Variants in ASMT observed in about 807,000 individuals in gnomAD.
The protein encoded by ASMT is acetylserotonin N-methyltransferase.
In ASMT, 53 loss-of-function variants were observed where a neutral mutation model predicts 41.3. The ratio of observed to expected loss-of-function variants is 1.28; its 90% CI spans 1.03 to 1.61. ASMT has a LOEUF of 1.61. Ranked by LOEUF, ASMT falls within the 40% of genes most tolerant of loss-of-function variation. The pLI, the probability that ASMT is intolerant of heterozygous loss-of-function variation, is 0.00. For synonymous variants in ASMT, 231 were observed against 184.8 expected (o/e 1.25, Z -2.03); for missense variants, 531 against 441.3 (o/e 1.20, Z -1.82).
At position 1,641,532 on chromosome X, in the gene ASMT, G is replaced by C. The variant is rs376619812; in HGVS notation, c.911-1271G>C. On this transcript the variant is annotated intron_variant, in intron 8 of 8. Coordinates refer to ENST00000381241, the MANE Select transcript of ASMT (RefSeq NM_001171038.2). ...GAGCACAGCCTCTGTGTGTGTGTTG[G>C]GGACAGTGTCCCAGTTCTCCTGTGA... is the stretch of plus-strand genomic sequence containing the variant. Among the ~76,000 whole-genome samples the C allele has an allele frequency of 2.7e-5, 4 of 148,188 alleles. 1 individual carries two copies. The Admixed American group carries it at 2.8e-4, about 10-fold the overall frequency.
At chrX:1,624,625 G>T (rs1934460847) in intron 3 of ASMT, among the ~76,000 whole-genome samples, 2 of 123,004 alleles carry the variant, frequency 1.6e-5, no homozygotes, top group Admixed American at 8.6e-5. Context: ...GGTGGTGGCT[G>T]CACCCAGGCA....
intron 4 of ASMT, chrX:1,628,038 G>A (rs1309366099): frequency 1.7e-5 from 9 of 544,828 alleles, no homozygotes; most frequent in Non-Finnish European, 2.6e-5. Flanking sequence ...ATGGAGGCAC[G>A]CGCCGGGCGC....
At chrX:1,641,791 C>T (rs1481985150) in intron 8 of ASMT, among the ~76,000 whole-genome samples, 1 of 148,298 alleles carries the variant, frequency 6.7e-6, no homozygotes, top group African/African-American at 2.5e-5. Flanking sequence ...GGACAGTGTT[C>T]CAGCTCTCCT....
chrX:1,632,881 G>T, intron 6 of ASMT, 94 bp downstream of exon 6: 1 of 554,254 alleles, frequency 1.8e-6, no homozygotes, highest in South Asian at 2.1e-5. Flanking sequence ...GGCTGGGGGA[G>T]GGAGAGCACT....
intron 4 of ASMT, 78 bp from the exon 5 acceptor site, chrX:1,629,743 C>T (rs1473820735): frequency 4.5e-6 from 6 of 1,325,922 alleles, no homozygotes; most frequent in East Asian, 4.6e-5. Context: ...CCGTTCTCAA[C>T]AGGGGGTTAT....
At chrX:1,634,653 A>ACC (rs33973060) in intron 7 of ASMT, among the ~76,000 whole-genome samples, 11,069 of 138,026 alleles carry the variant, frequency 0.08, 432 homozygotes, top group East Asian at 0.089. Flanking sequence ...TGCTGAGTTA[A>ACC]CCCCCCCCCT....
intron 5 of ASMT, 143 bp downstream of exon 5, chrX:1,630,082 C>G (rs1269139473): frequency 3.7e-6 from 3 of 808,682 alleles, no homozygotes; most frequent in East Asian, 2.4e-5. Flanking sequence ...TTCCTCCCAG[C>G]ACTGGGCACT....
intron 6 of ASMT, 112 bp from the exon 7 acceptor site, chrX:1,633,038 G>A (rs188251039): frequency 1.2e-4 from 149 of 1,248,136 alleles, no homozygotes; most frequent in Middle Eastern, 6.1e-4. Context: ...CAGACATGGC[G>A]GAAGGACCCA....
intron 7 of ASMT, chrX:1,636,236 C>A (rs778924935): frequency 9.5e-6 from 7 of 735,762 alleles, no homozygotes; most frequent in South Asian, 4.5e-5. Flanking sequence ...GGATTACAGG[C>A]GTGAGCCACC....
At position 1,629,842 on chromosome X, in the gene ASMT, G is replaced by T; in HGVS notation, c.465G>T (p.Gln155His). ...CCAGGTCCGAGGGCGAGCGGCTACA[G>T]TTCATGCAAGCTCTGCAGGAGGTCT... ...AIYRSEGERL[Q>H]FMQALQEVWS... is the part of the protein sequence containing the mutation. Residue 155 changes from glutamine (Q) to histidine (H), a missense_variant, in exon 5 of 9, where the codon CAG (glutamine) becomes CAT (histidine). Coordinates refer to ENST00000381241, the MANE Select transcript of ASMT (RefSeq NM_001171038.2). 6.2e-7 allele frequency: 1 copy of T among 1,613,968 alleles called. No individual in the cohort carries two copies.
intron 4 of ASMT, among the ~76,000 whole-genome samples, chrX:1,628,619 T>C (rs1414629938): frequency 7.0e-6 from 1 of 142,496 alleles, no homozygotes; most frequent in Non-Finnish European, 1.5e-5. Flanking sequence ...TCTCTTCTCC[T>C]TCTGTCCTGT....
In ASMT at chrX:1,642,947, C is replaced by G. The variant is rs1181769639; in HGVS notation, c.1055C>G (p.Ala352Gly). The G allele has an allele frequency of 6.2e-7, 1 of 1,613,998 alleles. No homozygotes were observed. The highest frequency in any genetic ancestry group is 1.7e-5 in the Admixed American group (1 of 60,012). Reference protein sequence around the residue: ...PTHYHMLLSSAGFRDFQFKKT... With the variant: ...PTHYHMLLSSGGFRDFQFKKT... ...CACTACCACATGCTCCTCTCTTCTG[C>G]TGGCTTCAGAGACTTCCAGTTTAAG... The change falls in exon 9 of 9, where the codon GCT becomes GGT. Residue 352 changes from alanine (A) to glycine (G), a missense_variant. By Grantham distance (60) the Ala-to-Gly change is moderately conservative. Transcript: ENST00000381241.
In ASMT at chrX:1,636,478, C is replaced by A. The variant is rs777785138; in HGVS notation, c.828C>A (p.Tyr276Ter). ...FKDPLPEADL[Y>*]ILARVLHDWA... ...ACCCTCTTCCGGAAGCTGATCTGTACATCCTGGCCAGGGTCCTCCATGACT... is the reference window on the plus strand; with the variant it reads ...ACCCTCTTCCGGAAGCTGATCTGTAAATCCTGGCCAGGGTCCTCCATGACT... The change falls in exon 8 of 9, where the codon TAC (tyrosine) becomes TAA (stop). Residue 276 changes from tyrosine (Y) to a stop codon, truncating the protein, a stop_gained. Coordinates refer to ENST00000381241, the MANE Select transcript of ASMT (RefSeq NM_001171038.2). LOFTEE classifies it high-confidence loss of function. 1 of 1,613,926 alleles carries A rather than the reference C, an allele frequency of 6.2e-7. No homozygotes were observed. The highest frequency in any genetic ancestry group is 2.2e-5 in the East Asian group (1 of 44,876).
intron 1 of ASMT, among the ~76,000 whole-genome samples, chrX:1,618,366 G>A (rs759701841): frequency 6.6e-6 from 1 of 152,240 alleles, no homozygotes; most frequent in African/African-American, 2.4e-5. Flanking sequence ...GTTTCATCAT[G>A]TTGGCCAGGC....
chrX:1,620,953 G>A (rs1449561284), intron 1 of ASMT, among the ~76,000 whole-genome samples: 12 of 150,946 alleles, frequency 7.9e-5, no homozygotes, highest in Admixed American at 1.3e-4. Flanking sequence ...AAATTTAGCC[G>A]GGTGTGGTGG....
intron 5 of ASMT, among the ~76,000 whole-genome samples, chrX:1,631,525 G>A (rs1380459167): frequency 6.6e-6 from 1 of 152,124 alleles, no homozygotes; most frequent in Non-Finnish European, 1.5e-5. Context: ...TTTGCAGAGT[G>A]AGGAGCTTCT....
intron 7 of ASMT, among the ~76,000 whole-genome samples, chrX:1,634,473 C>T (rs1934885779): frequency 6.6e-6 from 1 of 152,142 alleles, no homozygotes; most frequent in Non-Finnish European, 1.5e-5. Flanking sequence ...TCCAGAGTTC[C>T]CAAGGTGATC....
At chrX:1,624,226 G>T in intron 2 of ASMT, 43 bp from the exon 3 acceptor site, 1 of 1,613,412 alleles carries the variant, frequency 6.2e-7, no homozygotes, top group Non-Finnish European at 8.5e-7. Flanking sequence ...GCAGGAACTC[G>T]GAATCTCACT....
Position 1,615,155 on chromosome X carries a change from A to G in ASMT, c.-45A>G. 1 of 1,548,822 alleles carries G rather than the reference A, an allele frequency of 6.5e-7. No homozygotes were observed. The highest frequency in any genetic ancestry group is 8.8e-7 in the Non-Finnish European group (1 of 1,141,442). ...CAGCAGGCTCTGTGCTCCTTGAAGC[A>G]AGCGCTCCAGAGGCTCCGGAAGCCA... On this transcript the variant is annotated 5_prime_UTR_variant, in exon 1 of 9. Coordinates refer to ENST00000381241, the MANE Select transcript of ASMT (RefSeq NM_001171038.2).
Sources: allele counts gnomAD v4.1 joint callset (sites outside exome capture counted in the v4.1 genomes callset), GRCh38; gene constraint gnomAD v4.1.1; transcripts MANE v1.5; gene names NCBI Gene and HGNC (gene_info 2026-07-23, HGNC 2026-07-21).